The following ARHGAP32 variants were observed in gnomAD, a reference collection of about 807,000 sequenced individuals.
ARHGAP32 encodes the protein Rho GTPase activating protein 32, also known as rho GTPase-activating protein 32.
In ARHGAP32, 51 loss-of-function variants were observed where a neutral mutation model predicts 186.5. The ratio of observed to expected loss-of-function variants is 0.27; its 90% CI spans 0.22 to 0.35. ARHGAP32 has a LOEUF of 0.35. Among genes scored for constraint, ARHGAP32 ranks in the 10% least tolerant of loss-of-function variants. The pLI, the probability that ARHGAP32 is intolerant of heterozygous loss-of-function variation, is 1.00. For missense variants in ARHGAP32, 2,186 were observed against 2,623.5 expected (o/e 0.83, Z 3.64); for synonymous variants, 950 against 964.3 (o/e 0.99, Z 0.27).
intron 12 of ARHGAP32, among the ~76,000 whole-genome samples, chr11:128,988,911 C>T (rs2136129924): frequency 6.6e-6 from 1 of 152,200 alleles, no homozygotes; most frequent in Non-Finnish European, 1.5e-5. Context: ...GAGAATTTAA[C>T]AATAGTTGTT....
At chr11:129,063,558 T>A (rs1038189511) in intron 9 of ARHGAP32, among the ~76,000 whole-genome samples, 1 of 152,014 alleles carries the variant, frequency 6.6e-6, no homozygotes, top group Non-Finnish European at 1.5e-5. Flanking sequence ...AGGAGAACAA[T>A]CATGATTAAA....
At chr11:129,036,405 A>AAAAAAAAG (rs1565388413) in intron 11 of ARHGAP32, among the ~76,000 whole-genome samples, 1 of 147,312 alleles carries the variant, frequency 6.8e-6, no homozygotes, top group East Asian at 2.0e-4. Flanking sequence ...AAAAAAAAAA[A>AAAAAAAAG]AGAGAGAAAG....
intron 6 of ARHGAP32, among the ~76,000 whole-genome samples, chr11:129,084,107 A>G (rs1941306125): frequency 6.6e-6 from 1 of 152,120 alleles, no homozygotes; most frequent in South Asian, 2.1e-4. Context: ...CAAAACTCAC[A>G]CAAGAAGAAA....
chr11:129,000,766 C>T lies in ARHGAP32; in HGVS notation c.1046-2298G>A, dbSNP rs765297770. On this transcript the variant is annotated intron_variant, in intron 11 of 22. Coordinates refer to ENST00000682385, the MANE Select transcript of ARHGAP32 (RefSeq NM_001378024.1). ...TAACCATCCCTATTCCCCACCCCCC[C>T]ACCATTGGCTTATTACCCTTTCTGG... 2.6e-5 allele frequency among the ~76,000 whole-genome samples: 4 copies of T among 152,100 alleles called. No homozygotes were observed. The South Asian group carries it at 6.2e-4, about 24-fold the overall frequency.
intron 10 of ARHGAP32, among the ~76,000 whole-genome samples, chr11:129,043,381 CTTTTTTTTTTTTT>C (rs1213682729): frequency 9.7e-6 from 1 of 103,336 alleles, no homozygotes; most frequent in Non-Finnish European, 1.9e-5. Flanking sequence ...TTCTTTTTTT[CTTTTTTTTTTTTT>C]TTTTTTTGCG....
At chr11:128,993,762 G>A (rs1946126220) in intron 12 of ARHGAP32, among the ~76,000 whole-genome samples, 1 of 151,558 alleles carries the variant, frequency 6.6e-6, no homozygotes, top group East Asian at 1.9e-4. Flanking sequence ...TGTGATCATG[G>A]CTCACTGTAT....
At chr11:129,259,905 G>A (rs1945300327) in intron 1 of ARHGAP32, among the ~76,000 whole-genome samples, 1 of 152,072 alleles carries the variant, frequency 6.6e-6, no homozygotes, top group South Asian at 2.1e-4. Flanking sequence ...TTTTTCTGGA[G>A]TAGGGTCATT....
intron 11 of ARHGAP32, among the ~76,000 whole-genome samples, chr11:129,008,313 C>G (rs978782089): frequency 6.6e-6 from 1 of 152,066 alleles, no homozygotes; most frequent in Non-Finnish European, 1.5e-5. Context: ...TTTGCCCCTC[C>G]CCTATTATAC....
intron 2 of ARHGAP32, among the ~76,000 whole-genome samples, chr11:129,132,731 T>A (rs1942840396): frequency 6.6e-6 from 1 of 152,188 alleles, no homozygotes; most frequent in Admixed American, 6.5e-5. Context: ...ATGAGCTATT[T>A]CCATAGGAAA....
At chr11:129,125,860 T>C (rs760657159) in intron 2 of ARHGAP32, 1 of 439,156 alleles carries the variant, frequency 2.3e-6, no homozygotes, top group South Asian at 1.6e-5. Context: ...CAAGACTTCT[T>C]AGATATATTT....
At position 129,009,955 on chromosome 11, in the gene ARHGAP32, T is replaced by C. The variant is rs1937991425; in HGVS notation, c.1046-11487A>G. ...CACCAACATTGTAAAAGTGCTCCTT[T>C]TTCTCTGCAACCTTGTCAGCATCTG... On this transcript the variant is annotated intron_variant, in intron 11 of 22. Coordinates refer to ENST00000682385, the MANE Select transcript of ARHGAP32 (RefSeq NM_001378024.1). 2.6e-5 allele frequency among the ~76,000 whole-genome samples: 4 copies of C among 152,224 alleles called. No individual in the cohort carries two copies. The South Asian group carries it at 8.3e-4, about 32-fold the overall frequency.
rs1203252648 is a variant in ARHGAP32, at chr11:128,972,992, A to C, written c.3514T>G (p.Ser1172Ala). 1 of 1,614,072 alleles carries C rather than the reference A, an allele frequency of 6.2e-7. No individual in the cohort carries two copies. The highest frequency in any genetic ancestry group is 1.6e-4 in the Middle Eastern group (1 of 6,062). ...ATTCTGGCCTTTTCTGGGTCCCCAG[A>C]TAAATATGCTTGATGTGGCTGATTC... is the stretch of plus-strand genomic sequence containing the variant. Reference protein sequence around the residue: ...TGNQPHQAYLSGDPEKARITS... With the variant: ...TGNQPHQAYLAGDPEKARITS... The change falls in exon 22 of 23, where the codon TCT (serine) becomes GCT (alanine). Residue 1172 changes from serine to alanine, a missense_variant. Physicochemically the swap from Ser to Ala is moderately conservative, Grantham distance 99 (BLOSUM62 1). Coordinates refer to ENST00000682385, the MANE Select transcript of ARHGAP32 (RefSeq NM_001378024.1).
In ARHGAP32 at chr11:129,259,737, G is replaced by A. The variant is rs150454411; in HGVS notation, c.-5+19409C>T. 2.0e-4 allele frequency among the ~76,000 whole-genome samples: 31 copies of A among 152,226 alleles called. No homozygotes were observed. The East Asian group carries it at 5.2e-3, about 26-fold the overall frequency. On this transcript the variant is annotated intron_variant, in intron 1 of 6. Coordinates refer to the ARHGAP32 transcript ENST00000525234. Reference sequence around the variant, plus strand: ...AATGCATAAAATGGCAGTAATTAACGTTGCCATTTTTGTAAGTGGAGACAG... The same window carrying A: ...AATGCATAAAATGGCAGTAATTAACATTGCCATTTTTGTAAGTGGAGACAG...
chr11:129,055,363 A>C (rs887644616), intron 10 of ARHGAP32, among the ~76,000 whole-genome samples: 2 of 152,232 alleles, frequency 1.3e-5, no homozygotes, highest in African/African-American at 4.8e-5. Flanking sequence ...GCACTTTGGC[A>C]GACAGTGTTG....
chr11:129,045,073 G>T (rs1187924897), intron 10 of ARHGAP32, among the ~76,000 whole-genome samples: 1 of 152,090 alleles, frequency 6.6e-6, no homozygotes, highest in Non-Finnish European at 1.5e-5. Context: ...TCTACAGTAG[G>T]CTCACCTAAT....
chr11:129,252,303 G>T (rs1342492830), intron 1 of ARHGAP32, among the ~76,000 whole-genome samples: 1 of 152,158 alleles, frequency 6.6e-6, no homozygotes, highest in Admixed American at 6.5e-5. Flanking sequence ...TAAGAGGCAA[G>T]AACGGTTAGC....
intron 16 of ARHGAP32, 85 bp from the exon 17 acceptor site, chr11:128,981,646 AAC>A: frequency 7.0e-7 from 1 of 1,422,890 alleles, no homozygotes; most frequent in Non-Finnish European, 9.6e-7. Flanking sequence ...ATCTCAGACA[AAC>A]AGAGGAAGAA....
chr11:129,194,596 T>A (rs750341307), upstream of ARHGAP32, among the ~76,000 whole-genome samples: 8 of 152,024 alleles, frequency 5.3e-5, no homozygotes, highest in Middle Eastern at 3.2e-3. Context: ...AGAGGATCAG[T>A]ACTAGTACCA....
At chr11:129,096,665 G>C (rs977488833) in intron 5 of ARHGAP32, among the ~76,000 whole-genome samples, 1 of 152,150 alleles carries the variant, frequency 6.6e-6, no homozygotes, top group African/African-American at 2.4e-5. Flanking sequence ...CTGTGGCTGC[G>C]GATCACTGCT....
Sources: gnomAD v4.1 joint callset for allele counts (sites outside exome capture counted in the v4.1 genomes callset) on GRCh38, gnomAD v4.1.1 for gene constraint, MANE v1.5 for transcripts, NCBI Gene and HGNC (gene_info 2026-07-23, HGNC 2026-07-21) for gene names.